The following ADCY1 variants were observed in gnomAD, a reference collection of about 807,000 sequenced individuals.
ADCY1 encodes the protein adenylate cyclase 1, also known as adenylate cyclase type 1.
Under a neutral mutation model 105.4 loss-of-function variants are expected in ADCY1, and 28 were observed. The observed-to-expected ratio is 0.27, with a 90% CI of 0.20 to 0.36. The LOEUF (loss-of-function observed/expected upper bound fraction) is 0.36. ADCY1 is among the 10% of genes least tolerant of loss of function. The pLI, the probability that ADCY1 is intolerant of heterozygous loss-of-function variation, is 1.00. For missense variants in ADCY1, 977 were observed against 1,434.2 expected, an observed-to-expected ratio of 0.68 and a Z score of 5.15; for synonymous variants, 655 against 623.8, an observed-to-expected ratio of 1.05 and a Z score of -0.75.
chr7:45,675,737 T>A (rs1282466343), intron 8 of ADCY1, among the ~76,000 whole-genome samples: 1 of 152,162 alleles, frequency 6.6e-6, no homozygotes, highest in Non-Finnish European at 1.5e-5. Context: ...AGTTACTTTT[T>A]TTCCTCCCCC....
intron 4 of ADCY1, among the ~76,000 whole-genome samples, chr7:45,637,400 T>G (rs1475052932): frequency 2.6e-5 from 4 of 152,228 alleles, no homozygotes; most frequent in African/African-American, 9.6e-5. Context: ...ATTTATGCAG[T>G]CTATTTCTTT....
chr7:45,624,233 G>A (rs1454844870), intron 4 of ADCY1, among the ~76,000 whole-genome samples: 3 of 152,086 alleles, frequency 2.0e-5, no homozygotes, highest in Admixed American at 1.3e-4. Context: ...ACGAGCTGAG[G>A]CCGGTGAGAC....
In ADCY1 at chr7:45,703,843, A is replaced by G; in HGVS notation, c.2718+97A>G. The stretch of plus-strand genomic sequence containing the variant: ...TCTCACAATATGTCACATTCTTCGT[A>G]GCTGGAATGAGAGAAAGCAAATCCC... On this transcript the variant is annotated intron_variant, in intron 16 of 19. Coordinates refer to ENST00000297323, the MANE Select transcript of ADCY1 (RefSeq NM_021116.4). This position sits in a 1 kb window ranked among gnomAD's most constrained non-coding sequence, Gnocchi z 5.9. 1 of 1,459,424 alleles carries G rather than the reference A, an allele frequency of 6.9e-7. No homozygotes were observed. Among genetic ancestry groups the G allele is most frequent in the Non-Finnish European group, 9.2e-7 (1 of 1,090,546 alleles). 90.4% of individuals were successfully genotyped at this position (1,459,424 alleles called of 1,614,324 possible). A position where few individuals can be genotyped will look rare whatever the true frequency, so the allele number is the denominator to read the frequency against.
intron 5 of ADCY1, among the ~76,000 whole-genome samples, chr7:45,655,245 A>G (rs1387396950): frequency 6.6e-6 from 1 of 152,208 alleles, no homozygotes; most frequent in African/African-American, 2.4e-5. Flanking sequence ...AGGGGCCAAC[A>G]GTGGCCCCCT....
rs758041210 is a variant in ADCY1 at position 45,575,094 on chromosome 7, C to T, written c.551C>T (p.Ala184Val). Residue 184 changes from alanine to valine, a missense_variant, in exon 1 of 20, where the codon GCC (alanine) becomes GTC (valine). Physicochemically the swap from Ala to Val is moderately conservative, Grantham distance 64. Around this residue, in one of 7 missense-constraint regions of ADCY1, gnomAD observed 196 missense variants for 347.8 expected, o/e 0.56. Transcript: ENST00000297323. The surrounding 1 kb of genome is among the most constrained non-coding windows in gnomAD (Gnocchi z 4.7). Reference protein sequence around the residue: ...YALLPVRSLLAIGFGLVVAAS... With the variant: ...YALLPVRSLLVIGFGLVVAAS... ...TTGCTGCCCGTGCGCAGCCTGCTGGCCATAGGCTTTGGGCTCGTGGTGGCT... is the reference window on the plus strand; with the variant it reads ...TTGCTGCCCGTGCGCAGCCTGCTGGTCATAGGCTTTGGGCTCGTGGTGGCT... The T allele has an allele frequency of 8.7e-6, 14 of 1,612,830 alleles. No homozygotes were observed. The highest frequency in any genetic ancestry group is 1.2e-5 in the Non-Finnish European group (14 of 1,179,922).
At chr7:45,592,657 G>T in intron 1 of ADCY1, 102 bp from the exon 2 acceptor site, 1 of 1,526,778 alleles carries the variant, frequency 6.5e-7, no homozygotes. Context: ...CCCGGGCGGC[G>T]TGGCTTTTGG....
At chr7:45,578,089 G>A (rs1792403539) in intron 1 of ADCY1, among the ~76,000 whole-genome samples, 1 of 152,198 alleles carries the variant, frequency 6.6e-6, no homozygotes, top group African/African-American at 2.4e-5. Flanking sequence ...GTGCTTTGGG[G>A]CATCTGGTTC....
intron 2 of ADCY1, among the ~76,000 whole-genome samples, chr7:45,608,791 G>A (rs1337765335): frequency 1.3e-5 from 2 of 152,276 alleles, no homozygotes; most frequent in East Asian, 1.9e-4. Context: ...CTGCGGCAGA[G>A]CTTCATGGGA....
rs1413696237 is a variant in ADCY1, at chr7:45,575,845, T to C, written c.639+663T>C. On this transcript the variant is annotated intron_variant, in intron 1 of 19. Coordinates refer to ENST00000297323, the MANE Select transcript of ADCY1 (RefSeq NM_021116.4). The surrounding 1 kb of genome is among the most constrained non-coding windows in gnomAD (Gnocchi z 4.7). ...CTTTTCTGCGCCCGAACTTTGTCAC[T>C]GTCTTCCCAGTCGGGCGGGCGAGAT... Among the ~76,000 whole-genome samples, 1 of 152,244 alleles carries C rather than the reference T, an allele frequency of 6.6e-6. No individual in the cohort carries two copies. Among genetic ancestry groups the C allele is most frequent in the Non-Finnish European group, 1.5e-5 (1 of 68,036 alleles).
chr7:45,574,741 C>A lies in ADCY1; in HGVS notation c.198C>A (p.Ala66=), dbSNP rs968647729. 4.9e-6 allele frequency: 7 copies of A among 1,425,672 alleles called. No individual in the cohort carries two copies. The highest frequency in any genetic ancestry group is 3.0e-5 in the African/African-American group (2 of 65,894). The allele number at this position is 1,425,672 out of a possible 1,614,324, so 88.3% of individuals were successfully genotyped here. A position where few individuals can be genotyped will look rare whatever the true frequency, so the allele number is the denominator to read the frequency against. Residue 66 remains alanine, a synonymous_variant, in exon 1 of 20, where the codon GCC becomes GCA. Coordinates refer to ENST00000297323, the MANE Select transcript of ADCY1 (RefSeq NM_021116.4). The surrounding 1 kb of genome is among the most constrained non-coding windows in gnomAD (Gnocchi z 7.0). Reference sequence around the variant, plus strand: ...AGGCGGCCACGCTGAAGGCGCTGGCCGTTCTCAGCCTGCTGGCGGGCGCGC... The same window carrying A: ...AGGCGGCCACGCTGAAGGCGCTGGCAGTTCTCAGCCTGCTGGCGGGCGCGC... ...LEQAATLKAL[A]VLSLLAGALA...
chr7:45,708,202 C>A lies in ADCY1; in HGVS notation c.2818-148C>A. On this transcript the variant is annotated intron_variant, in intron 17 of 19. Transcript: ENST00000297323. This position sits in a 1 kb window ranked among gnomAD's most constrained non-coding sequence, Gnocchi z 4.7. ...CCCTGCCTCTCTCTTAGTCTCCTAC[C>A]TGTAGAATGGAATGATAAATGTGCC... 1.6e-6 allele frequency: 1 copy of A among 610,498 alleles called. No individual in the cohort carries two copies. Among genetic ancestry groups the A allele is most frequent in the Non-Finnish European group, 3.0e-6 (1 of 335,466 alleles). The allele number at this position is 610,498 out of a possible 1,614,324, so 37.8% of individuals were successfully genotyped here.
intron 2 of ADCY1, among the ~76,000 whole-genome samples, chr7:45,603,067 A>G (rs540175142): frequency 6.6e-6 from 1 of 152,330 alleles, no homozygotes; most frequent in Non-Finnish European, 1.5e-5. Context: ...ATAATAGGTG[A>G]TCTTTTGTGA....
In ADCY1 at chr7:45,709,909, T is replaced by C. The variant is rs569086431; in HGVS notation, c.2933-619T>C. 6.6e-5 allele frequency among the ~76,000 whole-genome samples: 10 copies of C among 152,244 alleles called. No homozygotes were observed. The East Asian group carries it at 1.9e-3, about 30-fold the overall frequency. On this transcript the variant is annotated intron_variant, in intron 18 of 19. Transcript: ENST00000297323. Reference sequence around the variant, plus strand: ...TGCAGAAAGTTGCACAAGGGGTGACTCAAGTTCGGGTGTGCCTGGGTTGTC... The same window carrying C: ...TGCAGAAAGTTGCACAAGGGGTGACCCAAGTTCGGGTGTGCCTGGGTTGTC...
At chr7:45,659,592 C>T (rs766554734) in intron 6 of ADCY1, among the ~76,000 whole-genome samples, 3 of 152,280 alleles carry the variant, frequency 2.0e-5, no homozygotes, top group East Asian at 3.9e-4. Context: ...GTGTGAACAC[C>T]GTGGCCACCC....
At position 45,575,041 on chromosome 7, in the gene ADCY1, C is replaced by T; in HGVS notation, c.498C>T (p.Leu166=). Residue 166 remains leucine, a synonymous_variant, in exon 1 of 20, where the codon CTC becomes CTT. Coordinates refer to ENST00000297323, the MANE Select transcript of ADCY1 (RefSeq NM_021116.4). The surrounding 1 kb of genome is among the most constrained non-coding windows in gnomAD (Gnocchi z 4.7). ...PATAEQGVWQ[L]LLVTFVSYAL... ...CCGCCGAACAAGGGGTTTGGCAGCT[C>T]CTTTTGGTCACCTTCGTGTCCTATG... The T allele has an allele frequency of 6.2e-7, 1 of 1,612,608 alleles. No homozygotes were observed. The highest frequency in any genetic ancestry group is 1.3e-5 in the African/African-American group (1 of 75,016).
At chr7:45,646,044 C>T (rs1438906051) in intron 4 of ADCY1, among the ~76,000 whole-genome samples, 2 of 151,920 alleles carry the variant, frequency 1.3e-5, no homozygotes, top group African/African-American at 2.4e-5. Context: ...GAGGTGTGGC[C>T]GCTTCCCCTT....
chr7:45,674,402 G>A (rs148448585), intron 8 of ADCY1, among the ~76,000 whole-genome samples: 238 of 151,444 alleles, frequency 1.6e-3, no homozygotes, highest in African/African-American at 5.2e-3. Flanking sequence ...TTTTTGAGAC[G>A]GAATCTCTAT....
Position 45,702,635 on chromosome 7 carries a change from C to T in ADCY1, c.2455-741C>T, listed in dbSNP as rs546088841. Among the ~76,000 whole-genome samples the T allele has an allele frequency of 6.6e-5, 10 of 152,364 alleles. No homozygotes were observed. In the South Asian group the frequency reaches 2.1e-3, roughly 32 times the overall value. On this transcript the variant is annotated intron_variant, in intron 14 of 19. Coordinates refer to ENST00000297323, the MANE Select transcript of ADCY1 (RefSeq NM_021116.4). ...GTGCTGGGTCCTGCCAAGAGCACTT[C>T]TTGAGCCCTCACAGTGGTCTGTGAA...
chr7:45,666,282 C>T (rs1411181793), intron 8 of ADCY1, among the ~76,000 whole-genome samples: 3 of 152,134 alleles, frequency 2.0e-5, no homozygotes, highest in Non-Finnish European at 1.5e-5. Flanking sequence ...CTATCCCTCC[C>T]CACTCCCCCC....
Sources: gnomAD v4.1 joint callset for allele counts (sites outside exome capture counted in the v4.1 genomes callset) on GRCh38, gnomAD v4.1.1 for gene constraint, gnomAD v4.1.1 regional missense constraint, Gnocchi (gnomAD v3.1) non-coding constraint, MANE v1.5 for transcripts, NCBI Gene and HGNC (gene_info 2026-07-23, HGNC 2026-07-21) for gene names.